The following RNLS variants were observed in gnomAD, a reference collection of about 807,000 sequenced individuals.
RNLS encodes the protein renalase.
Under a neutral mutation model 39.8 loss-of-function variants are expected in RNLS, and 39 were observed. That is an observed-to-expected ratio of 0.98 (90% CI 0.76 to 1.28). RNLS has a LOEUF of 1.28. RNLS is among the 50% of genes most tolerant of loss of function. The pLI, the probability that RNLS is intolerant of heterozygous loss-of-function variation, is 0.00. For synonymous variants in RNLS, 147 were observed against 150.7 expected, an observed-to-expected ratio of 0.98 and a Z score of 0.18; for missense variants, 410 against 413.3, an observed-to-expected ratio of 0.99 and a Z score of 0.07.
intron 5 of RNLS, among the ~76,000 whole-genome samples, chr10:88,354,984 C>G (rs142892833): frequency 6.6e-6 from 1 of 152,026 alleles, no homozygotes; most frequent in Non-Finnish European, 1.5e-5. Flanking sequence ...TCATTGATAC[C>G]CTTTCTTCCA....
At chr10:88,232,008 T>C in the RNLS span, among the ~76,000 whole-genome samples, 1 of 151,296 alleles carries the variant, frequency 6.6e-6, no homozygotes, top group African/African-American at 2.4e-5. Flanking sequence ...ATTCCAGTTC[T>C]TCAAAAGATT....
At chr10:88,195,802 G>A in the RNLS span, among the ~76,000 whole-genome samples, 1 of 152,176 alleles carries the variant, frequency 6.6e-6, no homozygotes, top group African/African-American at 2.4e-5. Context: ...CCATCTCCCT[G>A]ATTCAAAAAC....
intron 5 of RNLS, among the ~76,000 whole-genome samples, chr10:88,332,342 T>G (rs1336893422): frequency 1.3e-5 from 2 of 152,270 alleles, no homozygotes; most frequent in Non-Finnish European, 2.9e-5. Flanking sequence ...AAGTAAATAC[T>G]TCTGAAATGA....
At chr10:88,200,289 T>C in the RNLS span, among the ~76,000 whole-genome samples, 1 of 152,228 alleles carries the variant, frequency 6.6e-6, no homozygotes, top group African/African-American at 2.4e-5. Context: ...GTAATAACAA[T>C]AGCAGCTACC....
chr10:88,342,181 C>T (rs1303337337), intron 5 of RNLS, among the ~76,000 whole-genome samples: 1 of 152,174 alleles, frequency 6.6e-6, no homozygotes, highest in Non-Finnish European at 1.5e-5. Flanking sequence ...GGCTTATCTT[C>T]CAAGTGGCAG....
At chr10:88,259,753 GT>G in the RNLS span, among the ~76,000 whole-genome samples, 6 of 151,986 alleles carry the variant, frequency 3.9e-5, no homozygotes, top group Admixed American at 3.3e-4. Context: ...TTTTGTTGTT[GT>G]TGTTCTTTGA....
At chr10:88,450,566 C>T (rs1208890003) in intron 4 of RNLS, among the ~76,000 whole-genome samples, 2 of 152,120 alleles carry the variant, frequency 1.3e-5, no homozygotes, top group Non-Finnish European at 2.9e-5. Flanking sequence ...TAGGAGATAC[C>T]AATACATAGT....
At chr10:88,557,893 A>G (rs1232989826) in intron 4 of RNLS, among the ~76,000 whole-genome samples, 1 of 152,100 alleles carries the variant, frequency 6.6e-6, no homozygotes, top group African/African-American at 2.4e-5. Flanking sequence ...CTGCTCTTTC[A>G]TCTCATCCCC....
intron 4 of RNLS, among the ~76,000 whole-genome samples, chr10:88,534,536 C>T (rs1186064336): frequency 3.3e-5 from 5 of 152,120 alleles, no homozygotes; most frequent in Admixed American, 3.3e-4. Flanking sequence ...TTGGTGCTAG[C>T]TTGAACCCCT....
intron 4 of RNLS, among the ~76,000 whole-genome samples, chr10:88,462,286 C>T (rs1842967880): frequency 2.0e-5 from 3 of 151,936 alleles, no homozygotes; most frequent in African/African-American, 7.3e-5. Context: ...TACAAGTATG[C>T]AATGTGTAAT....
At chr10:88,392,914 A>G (rs1021182273) in intron 4 of RNLS, among the ~76,000 whole-genome samples, 10 of 152,226 alleles carry the variant, frequency 6.6e-5, no homozygotes, top group Admixed American at 6.5e-4. Context: ...TCCAGCATAT[A>G]AACAGAACCA....
chr10:88,539,916 T>G (rs1035928668), intron 4 of RNLS, among the ~76,000 whole-genome samples: 1 of 152,110 alleles, frequency 6.6e-6, no homozygotes, highest in Non-Finnish European at 1.5e-5. Context: ...ACAGTCTACA[T>G]ACAAGATACT....
chr10:88,532,100 A>G (rs1473888502), intron 4 of RNLS, among the ~76,000 whole-genome samples: 8 of 152,034 alleles, frequency 5.3e-5, no homozygotes, highest in Non-Finnish European at 1.2e-4. Context: ...GTCCCTTCTA[A>G]ATTTTAGAAG....
chr10:88,357,294 T>A (rs1849265672), intron 5 of RNLS, among the ~76,000 whole-genome samples: 1 of 152,236 alleles, frequency 6.6e-6, no homozygotes, highest in Non-Finnish European at 1.5e-5. Context: ...ATGGTGGAAC[T>A]GAGTTGAGTC....
chr10:88,329,422 T>A (rs1321981432), intron 5 of RNLS, among the ~76,000 whole-genome samples: 1 of 152,150 alleles, frequency 6.6e-6, no homozygotes, highest in Non-Finnish European at 1.5e-5. Flanking sequence ...GCTGCTTTTA[T>A]GGTTTTTTCT....
chr10:88,247,177 C>T, the RNLS span, among the ~76,000 whole-genome samples: 9 of 152,004 alleles, frequency 5.9e-5, no homozygotes, highest in Admixed American at 4.6e-4. Flanking sequence ...TTGGAGGGCC[C>T]TGATAAAGAC....
chr10:88,501,576 C>T (rs986480332), intron 4 of RNLS, among the ~76,000 whole-genome samples: 1 of 152,140 alleles, frequency 6.6e-6, no homozygotes, highest in Non-Finnish European at 1.5e-5. Context: ...CATTGCACCC[C>T]TGAGTTCCTC....
intron 4 of RNLS, among the ~76,000 whole-genome samples, chr10:88,437,986 C>A (rs207471249): frequency 6.6e-6 from 1 of 152,018 alleles, no homozygotes; most frequent in African/African-American, 2.4e-5. Context: ...ATTAGCTGGG[C>A]GTGGTAGCAC....
chr10:88,373,722 T>C (rs1850751590), intron 4 of RNLS, among the ~76,000 whole-genome samples: 1 of 152,156 alleles, frequency 6.6e-6, no homozygotes, highest in Non-Finnish European at 1.5e-5. Context: ...TTGGTTATCT[T>C]TGTTTCCATA....
Sources: gnomAD v4.1 joint callset for allele counts (sites outside exome capture counted in the v4.1 genomes callset) on GRCh38, gnomAD v4.1.1 for gene constraint, MANE v1.5 for transcripts, NCBI Gene and HGNC (gene_info 2026-07-23, HGNC 2026-07-21) for gene names.